Variants in KLHL1 observed in about 807,000 individuals in gnomAD.
KLHL1 encodes kelch like family member 1.
KLHL1 carries 47 observed loss-of-function variants against 77.7 expected under a neutral mutation model. The observed-to-expected ratio is 0.60, with a 90% confidence interval of 0.48 to 0.77. KLHL1 has a LOEUF of 0.77. KLHL1 is among the 30% of genes least tolerant of loss of function. KLHL1 has a pLI of 0.00. For synonymous variants in KLHL1, 360 were observed against 325.2 expected, an observed-to-expected ratio of 1.11 and a Z score of -1.15; for missense variants, 925 against 910.8, an observed-to-expected ratio of 1.02 and a Z score of -0.20.
rs147340911 is a variant in KLHL1, at chr13:69,995,704, A to G, written c.498-19902T>C. 2.7e-4 allele frequency among the ~76,000 whole-genome samples: 41 copies of G among 152,240 alleles called. 1 individual carries two copies. Among genetic ancestry groups the G allele is most frequent in the Middle Eastern group, 3.4e-3 (1 of 294 alleles). On this transcript the variant is annotated intron_variant, in intron 1 of 10. Coordinates refer to ENST00000377844, the MANE Select transcript of KLHL1 (RefSeq NM_020866.3). ...CCTCACAATCCTAAAATGCCACAAT[A>G]TCCAGCAGCAGAGACTAAACCTTTG... is the stretch of plus-strand genomic sequence containing the variant.
chr13:70,025,281 T>C (rs1015194627), intron 1 of KLHL1, among the ~76,000 whole-genome samples: 6 of 152,014 alleles, frequency 3.9e-5, no homozygotes, highest in African/African-American at 1.2e-4. Context: ...AGGATCAAGG[T>C]GTCTACTTAA....
At chr13:69,830,119 G>A (rs1878704535) in intron 6 of KLHL1, among the ~76,000 whole-genome samples, 1 of 150,052 alleles carries the variant, frequency 6.7e-6, no homozygotes, top group Non-Finnish European at 1.5e-5. Flanking sequence ...TATTAACATT[G>A]AATGTAAATG....
Position 69,896,310 on chromosome 13 carries a change from G to A in KLHL1, c.1015-13815C>T, listed in dbSNP as rs762852047. On this transcript the variant is annotated intron_variant, in intron 4 of 10. Transcript: ENST00000377844. Reference sequence around the variant, plus strand: ...TCTTCTGCTTTTGCAGACTCATGCCGCTACACTTGACTAATCCTGGATATT... The same window carrying A: ...TCTTCTGCTTTTGCAGACTCATGCCACTACACTTGACTAATCCTGGATATT... Among the ~76,000 whole-genome samples, 6 of 151,994 alleles carry A rather than the reference G, an allele frequency of 3.9e-5. No individual in the cohort carries two copies. The South Asian group carries it at 8.3e-4, about 21-fold the overall frequency.
intron 1 of KLHL1, among the ~76,000 whole-genome samples, chr13:70,060,256 A>G (rs1664475788): frequency 6.6e-6 from 1 of 152,202 alleles, no homozygotes; most frequent in South Asian, 2.1e-4. Flanking sequence ...TCCAAAATAC[A>G]GGTAATAACA....
chr13:69,777,110 C>T (rs1251031874), intron 7 of KLHL1, among the ~76,000 whole-genome samples: 4 of 151,980 alleles, frequency 2.6e-5, no homozygotes, highest in Non-Finnish European at 4.4e-5. Context: ...CGAGATCTGA[C>T]GGTATTATAA....
Position 69,941,693 on chromosome 13 carries a change from A to G in KLHL1, c.818-1457T>C, listed in dbSNP as rs888082117. The stretch of plus-strand genomic sequence containing the variant: ...ACCAAAAAGCTGGTTCTTTGAAAAG[A>G]TAAACAAAATTCTTAGATCATTAGT... On this transcript the variant is annotated intron_variant, in intron 3 of 10. Transcript: ENST00000377844. Among the ~76,000 whole-genome samples the G allele has an allele frequency of 5.3e-5, 8 of 152,190 alleles. No individual in the cohort carries two copies. In the South Asian group the frequency reaches 6.2e-4, roughly 12 times the overall value.
intron 9 of KLHL1, among the ~76,000 whole-genome samples, chr13:69,712,774 G>C (rs1411496550): frequency 1.1e-5 from 1 of 92,046 alleles, no homozygotes; most frequent in African/African-American, 5.4e-5. Flanking sequence ...TTTTTTTTTG[G>C]GGGGGGGGTT....
At chr13:69,748,886 T>C (rs940769986) in intron 7 of KLHL1, among the ~76,000 whole-genome samples, 1 of 152,012 alleles carries the variant, frequency 6.6e-6, no homozygotes, top group Non-Finnish European at 1.5e-5. Context: ...CTTAAATTCC[T>C]CTCTCAAACA....
At chr13:69,913,855 AC>A (rs113156975) in intron 4 of KLHL1, among the ~76,000 whole-genome samples, 2,389 of 152,312 alleles carry the variant, frequency 0.016, 63 homozygotes, top group African/African-American at 0.053. Flanking sequence ...GATGCAAAGT[AC>A]TTTTCCTGGG....
chr13:69,728,708 T>A (rs1295500808), intron 8 of KLHL1, among the ~76,000 whole-genome samples: 4 of 150,888 alleles, frequency 2.7e-5, no homozygotes, highest in Non-Finnish European at 5.9e-5. Context: ...CTTGGGAGGC[T>A]GAGGCAGAAT....
chr13:69,863,663 T>G (rs1012807253), intron 5 of KLHL1, among the ~76,000 whole-genome samples: 1 of 152,030 alleles, frequency 6.6e-6, no homozygotes, highest in Non-Finnish European at 1.5e-5. Flanking sequence ...TCTGTATTTC[T>G]TTGTTTCAGT....
intron 1 of KLHL1, among the ~76,000 whole-genome samples, chr13:70,075,602 T>C (rs12868282): frequency 3.9e-5 from 4 of 102,294 alleles, no homozygotes; most frequent in South Asian, 3.9e-4. Flanking sequence ...CACACACACA[T>C]ATATATAGGA....
At chr13:69,991,161 A>G (rs1885017449) in intron 1 of KLHL1, among the ~76,000 whole-genome samples, 1 of 152,016 alleles carries the variant, frequency 6.6e-6, no homozygotes, top group Non-Finnish European at 1.5e-5. Context: ...GGCATTGTGA[A>G]GAGGAAAATT....
chr13:69,955,230 T>C (rs1883829512), intron 3 of KLHL1, among the ~76,000 whole-genome samples: 1 of 151,506 alleles, frequency 6.6e-6, no homozygotes, highest in African/African-American at 2.4e-5. Context: ...CAGGCTGATA[T>C]ACACTTTTTA....
chr13:70,002,864 T>TAA, intron 1 of KLHL1, among the ~76,000 whole-genome samples: 1 of 151,816 alleles, frequency 6.6e-6, no homozygotes, highest in Middle Eastern at 3.4e-3. Context: ...AATACATTCT[T>TAA]AAGCAAGTTA....
At chr13:69,844,558 A>G (rs1179962541) in intron 5 of KLHL1, among the ~76,000 whole-genome samples, 1 of 151,482 alleles carries the variant, frequency 6.6e-6, no homozygotes, top group Non-Finnish European at 1.5e-5. Context: ...TAAAGGCCCT[A>G]CCTCCTAATA....
rs1342621770 is a variant in KLHL1, at chr13:70,052,512, CCTT to C, written c.497+54688_497+54690del. Among the ~76,000 whole-genome samples the C allele has an allele frequency of 7.3e-5, 11 of 151,586 alleles. 1 individual carries two copies. In the East Asian group the frequency reaches 1.4e-3, roughly 19 times the overall value. ...TTTAGAAATCACTATCAAAATGAGGCCTTCTTAATTCTGAAGACATTACTTAAA... is the reference window on the plus strand; with the variant it reads ...TTTAGAAATCACTATCAAAATGAGGCCTTAATTCTGAAGACATTACTTAAA... On this transcript the variant is annotated intron_variant, in intron 1 of 10. Coordinates refer to ENST00000377844, the MANE Select transcript of KLHL1 (RefSeq NM_020866.3).
At position 69,712,760 on chromosome 13, in the gene KLHL1, G is replaced by GTT. The variant is rs67612326; in HGVS notation, c.2016-4966_2016-4965dup. ...AATTTATAAATTTTGTTTGTTTTTT[G>GTT]TTTTTTTTTTTTGGGGGGGGGGTTT... On this transcript the variant is annotated intron_variant, in intron 9 of 10. Transcript: ENST00000377844. Among the ~76,000 whole-genome samples, 154 of 127,216 alleles carry GTT rather than the reference G, an allele frequency of 1.2e-3. 1 individual carries two copies. Among genetic ancestry groups the GTT allele is most frequent in the African/African-American group, 4.6e-3 (149 of 32,442 alleles). 83.5% of individuals were successfully genotyped at this position (127,216 alleles called of 152,430 possible).
intron 1 of KLHL1, among the ~76,000 whole-genome samples, chr13:70,068,207 G>A (rs1463091742): frequency 2.6e-5 from 4 of 152,004 alleles, no homozygotes; most frequent in South Asian, 2.1e-4. Context: ...CGGGCGTGGT[G>A]GCGGGCGCCT....
Sources: gnomAD v4.1 joint callset for allele counts (sites outside exome capture counted in the v4.1 genomes callset) on GRCh38, gnomAD v4.1.1 for gene constraint, MANE v1.5 for transcripts, NCBI Gene and HGNC (gene_info 2026-07-23, HGNC 2026-07-21) for gene names.